Variants in ASCC3 observed in about 807,000 individuals in gnomAD.
ASCC3 encodes activating signal cointegrator 1 complex subunit 3.
In ASCC3, 158 loss-of-function variants were observed where a neutral mutation model predicts 256.3. The ratio of observed to expected loss-of-function variants is 0.62; its 90% CI spans 0.54 to 0.70. The LOEUF (loss-of-function observed/expected upper bound fraction) is 0.70, where lower values mean the gene tolerates loss of function less well. ASCC3 is among the 30% of genes least tolerant of loss of function. The pLI, the probability that ASCC3 is intolerant of heterozygous loss-of-function variation, is 0.00. For synonymous variants in ASCC3, 948 were observed against 883.4 expected, an observed-to-expected ratio of 1.07 and a Z score of -1.30; for missense variants, 2,259 against 2,626.0, an observed-to-expected ratio of 0.86 and a Z score of 3.05.
At chr6:100,795,952 T>C (rs1489766836) in intron 8 of ASCC3, among the ~76,000 whole-genome samples, 1 of 152,180 alleles carries the variant, frequency 6.6e-6, no homozygotes, top group African/African-American at 2.4e-5. Flanking sequence ...GTCTGTATTA[T>C]TACTCAAGCT....
intron 3 of ASCC3, among the ~76,000 whole-genome samples, chr6:100,849,612 C>G (rs574002233): frequency 6.6e-6 from 1 of 152,156 alleles, no homozygotes; most frequent in East Asian, 1.9e-4. Flanking sequence ...TAAGAAGAAT[C>G]AGCCTCTAAT....
At chr6:100,872,839 G>C (rs1326209561) in intron 1 of ASCC3, among the ~76,000 whole-genome samples, 3 of 152,168 alleles carry the variant, frequency 2.0e-5, no homozygotes, top group Admixed American at 1.3e-4. Flanking sequence ...GGAAAAGGGG[G>C]AGAATATCAT....
chr6:100,783,788 C>T lies in ASCC3; in HGVS notation c.1395+14925G>A, dbSNP rs1210102234. Reference sequence around the variant, plus strand: ...GGTAAATACATAAGATAATATATTCCTTATTTAATTTGGCAAGTAAACTGT... The same window carrying T: ...GGTAAATACATAAGATAATATATTCTTTATTTAATTTGGCAAGTAAACTGT... On this transcript the variant is annotated intron_variant, in intron 8 of 41. Coordinates refer to ENST00000369162, the MANE Select transcript of ASCC3 (RefSeq NM_006828.4). Among the ~76,000 whole-genome samples the T allele has an allele frequency of 3.3e-5, 5 of 151,608 alleles. No homozygotes were observed. In the East Asian group the frequency reaches 9.6e-4, roughly 29 times the overall value.
chr6:100,525,451 G>A (rs373374058), intron 37 of ASCC3, among the ~76,000 whole-genome samples: 5 of 151,856 alleles, frequency 3.3e-5, no homozygotes, highest in African/African-American at 1.2e-4. Flanking sequence ...AAGAGGAGCC[G>A]GAGAAATGAC....
Position 100,757,273 on chromosome 6 carries a change from CA to C in ASCC3, c.1737+9291del, listed in dbSNP as rs554800009. Among the ~76,000 whole-genome samples, 256 of 151,794 alleles carry C rather than the reference CA, an allele frequency of 1.7e-3. No individual in the cohort carries two copies. In the East Asian group the frequency reaches 0.018, roughly 11 times the overall value. On this transcript the variant is annotated intron_variant, in intron 10 of 41. Coordinates refer to ENST00000369162, the MANE Select transcript of ASCC3 (RefSeq NM_006828.4). ...ACACAAACACACACACACACACCAC[CA>C]ACAACAACAACAAACACAGCTCAGT...
In ASCC3 at chr6:100,625,339, T is replaced by C. The variant is rs1429169207; in HGVS notation, c.4643-5A>G. 1 of 1,612,114 alleles carries C rather than the reference T, an allele frequency of 6.2e-7. No individual in the cohort carries two copies. Among genetic ancestry groups the C allele is most frequent in the South Asian group, 1.1e-5 (1 of 91,034 alleles). ...CTGGAGAATGGCTTCTAATTGCTGT[T>C]GAAAAGTTGTGGGAAATAAAATGGA... On this transcript the variant is annotated splice_polypyrimidine_tract_variant and splice_region_variant and intron_variant, in intron 29 of 41. Transcript: ENST00000369162.
At chr6:100,866,686 G>T (rs1259702252) in intron 2 of ASCC3, among the ~76,000 whole-genome samples, 1 of 152,114 alleles carries the variant, frequency 6.6e-6, no homozygotes, top group African/African-American at 2.4e-5. Context: ...TTGTACAGAG[G>T]ACAAATCATG....
chr6:100,797,880 T>C (rs974803676), intron 8 of ASCC3, among the ~76,000 whole-genome samples: 7 of 152,182 alleles, frequency 4.6e-5, no homozygotes, highest in African/African-American at 1.7e-4. Context: ...AAACTGATGC[T>C]GCAGAAATAT....
Position 100,715,489 on chromosome 6 carries a change from A to G in ASCC3, c.2124T>C (p.Val708=). 1.2e-6 allele frequency: 2 copies of G among 1,611,570 alleles called. No individual in the cohort carries two copies. Among genetic ancestry groups the G allele is most frequent in the Non-Finnish European group, 1.7e-6 (2 of 1,178,364 alleles). Residue 708 remains valine, a synonymous_variant, in exon 13 of 42, where the codon GTT becomes GTC. Coordinates refer to ENST00000369162, the MANE Select transcript of ASCC3 (RefSeq NM_006828.4). ...NNMDEVCYEN[V]LKQVKAGHQV... is the part of the protein sequence containing the mutation. ...GGTGTCCAGCCTTTACTTGCTTCAA[A>G]ACATTTTCATAACATACTTCATCCA...
intron 13 of ASCC3, among the ~76,000 whole-genome samples, chr6:100,696,922 A>C (rs1778112424): frequency 6.6e-6 from 1 of 152,102 alleles, no homozygotes. Flanking sequence ...ATATATGCAC[A>C]CTGTAATATG....
chr6:100,637,275 C>T (rs966833603), intron 25 of ASCC3, among the ~76,000 whole-genome samples: 6 of 152,122 alleles, frequency 3.9e-5, no homozygotes, highest in Admixed American at 3.9e-4. Flanking sequence ...ATAAATGGAA[C>T]AACAAAGCCT....
At chr6:100,584,808 G>C (rs1771553845) in intron 36 of ASCC3, among the ~76,000 whole-genome samples, 1 of 152,020 alleles carries the variant, frequency 6.6e-6, no homozygotes, top group African/African-American at 2.4e-5. Context: ...GCATTTGCTT[G>C]TCTGTAAAGT....
At chr6:100,790,799 A>C (rs1425667706) in intron 8 of ASCC3, among the ~76,000 whole-genome samples, 1 of 151,974 alleles carries the variant, frequency 6.6e-6, no homozygotes, top group Non-Finnish European at 1.5e-5. Flanking sequence ...ACTCCTAGTT[A>C]GAGGCAGATG....
Position 100,590,007 on chromosome 6 carries a change from G to A in ASCC3, c.5356C>T (p.His1786Tyr). ...TCAATCAGGGACTTCTCAATCAGAT[G>A]GGACAGAAACTTGTTCACAGAATCA... ...SHDSVNKFLSHLIEKSLIELE... is the reference protein window; with the variant it reads ...SHDSVNKFLSYLIEKSLIELE... The change falls in exon 35 of 42, where the codon CAT becomes TAT. Residue 1786 changes from histidine to tyrosine, a missense_variant. Around this residue, in one of 2 missense-constraint regions of ASCC3, gnomAD observed 1,839 missense variants for 2,206.7 expected, o/e 0.83. Transcript: ENST00000369162. The A allele has an allele frequency of 6.2e-7, 1 of 1,613,564 alleles. No homozygotes were observed. Among genetic ancestry groups the A allele is most frequent in the Non-Finnish European group, 8.5e-7 (1 of 1,179,704 alleles).
intron 1 of ASCC3, among the ~76,000 whole-genome samples, chr6:100,880,418 T>G (rs1769241856): frequency 6.6e-6 from 1 of 152,146 alleles, no homozygotes; most frequent in African/African-American, 2.4e-5. Context: ...ACATCAAACT[T>G]TTACCAGCCC....
At chr6:100,856,401 C>A (rs1464684639) in intron 3 of ASCC3, 10 of 983,946 alleles carry the variant, frequency 1.0e-5, no homozygotes, top group Non-Finnish European at 1.2e-5. Context: ...AAACCTTAAG[C>A]TAAATAAATA....
At chr6:100,620,755 A>T (rs1773909459) in intron 30 of ASCC3, among the ~76,000 whole-genome samples, 1 of 152,200 alleles carries the variant, frequency 6.6e-6, no homozygotes, top group Admixed American at 6.5e-5. Context: ...GCCACAGAAC[A>T]TCAATTTAAC....
At chr6:100,792,897 C>A (rs1769420381) in intron 8 of ASCC3, among the ~76,000 whole-genome samples, 2 of 151,874 alleles carry the variant, frequency 1.3e-5, no homozygotes, top group African/African-American at 4.8e-5. Context: ...ATCCACAAAC[C>A]AGATAAGAAA....
chr6:100,534,951 A>G (rs1197922637), intron 37 of ASCC3, among the ~76,000 whole-genome samples: 3 of 152,222 alleles, frequency 2.0e-5, no homozygotes, highest in Non-Finnish European at 4.4e-5. Context: ...GAATAGTTAA[A>G]TTACTATGAT....
Sources: gnomAD v4.1 joint callset for allele counts (sites outside exome capture counted in the v4.1 genomes callset) on GRCh38, gnomAD v4.1.1 for gene constraint, gnomAD v4.1.1 regional missense constraint, MANE v1.5 for transcripts, NCBI Gene and HGNC (gene_info 2026-07-23, HGNC 2026-07-21) for gene names.